The following DLG2 variants were observed in gnomAD, a reference collection of about 807,000 sequenced individuals.
The protein encoded by DLG2 is disks large homolog 2.
A neutral mutation model predicts 132.5 loss-of-function variants in DLG2; 45 were observed. The observed-to-expected ratio is 0.34, with a 90% CI of 0.27 to 0.44. DLG2 has a LOEUF of 0.44. Among genes scored for constraint, DLG2 ranks in the 20% least tolerant of loss-of-function variants. The pLI is 1.00. For synonymous variants in DLG2, 424 were observed against 419.6 expected (o/e 1.01, Z -0.13); for missense variants, 1,045 against 1,196.9 (o/e 0.87, Z 1.87).
chr11:84,294,699 A>C (rs2098064011), intron 7 of DLG2, among the ~76,000 whole-genome samples: 2 of 152,336 alleles, frequency 1.3e-5, no homozygotes, highest in African/African-American at 4.8e-5. Context: ...ATAATTTATT[A>C]AGGACTTAAT....
intron 6 of DLG2, among the ~76,000 whole-genome samples, chr11:84,608,564 G>C (rs1179019545): frequency 6.6e-6 from 1 of 152,090 alleles, no homozygotes; most frequent in East Asian, 1.9e-4. Flanking sequence ...GCTAAATTTG[G>C]AAAGTTGGCA....
chr11:84,893,239 A>T (rs545752338), intron 6 of DLG2, among the ~76,000 whole-genome samples: 16 of 152,176 alleles, frequency 1.1e-4, no homozygotes, highest in Non-Finnish European at 2.4e-4. Flanking sequence ...GGATGTGCCC[A>T]TCTGGTGCCT....
chr11:83,668,474 T>A (rs1192347397), intron 18 of DLG2, among the ~76,000 whole-genome samples: 1 of 152,126 alleles, frequency 6.6e-6, no homozygotes, highest in African/African-American at 2.4e-5. Context: ...GCAAAGACAT[T>A]CAGAGAAGTT....
intron 6 of DLG2, among the ~76,000 whole-genome samples, chr11:84,610,313 T>C (rs2099593126): frequency 6.6e-6 from 1 of 152,130 alleles, no homozygotes; most frequent in Non-Finnish European, 1.5e-5. Flanking sequence ...TATATTACTT[T>C]TGCAACCAGG....
chr11:85,409,692 G>T (rs1414597332), intron 3 of DLG2, among the ~76,000 whole-genome samples: 1 of 151,726 alleles, frequency 6.6e-6, no homozygotes, highest in East Asian at 1.9e-4. Flanking sequence ...ATATCTGGGG[G>T]GGTGGAGAAA....
intron 7 of DLG2, among the ~76,000 whole-genome samples, chr11:84,448,526 G>A (rs986664377): frequency 6.6e-6 from 1 of 151,790 alleles, no homozygotes; most frequent in African/African-American, 2.4e-5. Context: ...TTGTACCTTT[G>A]AACATGCTGT....
intron 19 of DLG2, among the ~76,000 whole-genome samples, chr11:83,545,112 G>A (rs940994379): frequency 2.6e-5 from 4 of 152,110 alleles, no homozygotes; most frequent in African/African-American, 4.8e-5. Flanking sequence ...CCATCAGAAA[G>A]GCTAACAAGT....
intron 6 of DLG2, among the ~76,000 whole-genome samples, chr11:84,936,478 G>A (rs565526260): frequency 1.3e-5 from 2 of 151,964 alleles, no homozygotes; most frequent in Admixed American, 1.3e-4. Context: ...TTTATCATTA[G>A]TTAAATAAAT....
At chr11:84,899,407 A>G (rs1590895433) in intron 6 of DLG2, among the ~76,000 whole-genome samples, 2 of 152,060 alleles carry the variant, frequency 1.3e-5, no homozygotes, top group East Asian at 3.9e-4. Flanking sequence ...TGACTAAATT[A>G]AAAGACAAAG....
intron 5 of DLG2, among the ~76,000 whole-genome samples, chr11:85,126,548 T>A (rs1305013341): frequency 1.3e-5 from 2 of 152,138 alleles, no homozygotes; most frequent in Non-Finnish European, 2.9e-5. Context: ...GGTCAGGTTA[T>A]GTTAAATTTT....
intron 6 of DLG2, among the ~76,000 whole-genome samples, chr11:84,894,030 G>A (rs2089840635): frequency 6.6e-6 from 1 of 152,058 alleles, no homozygotes; most frequent in Non-Finnish European, 1.5e-5. Context: ...AATGACTATG[G>A]AAAACAGTCT....
At chr11:83,473,543 T>C (rs1565367414) in intron 22 of DLG2, among the ~76,000 whole-genome samples, 1 of 152,152 alleles carries the variant, frequency 6.6e-6, no homozygotes, top group Non-Finnish European at 1.5e-5. Context: ...TTTTATATAA[T>C]TGATGAATTA....
intron 11 of DLG2, among the ~76,000 whole-genome samples, chr11:84,019,198 G>A (rs190862142): frequency 5.9e-5 from 9 of 152,006 alleles, no homozygotes; most frequent in Middle Eastern, 3.4e-3. Context: ...ACAATATGCC[G>A]TTCAGTATTC....
chr11:85,042,665 T>C (rs1037815296), intron 6 of DLG2, among the ~76,000 whole-genome samples: 3 of 151,910 alleles, frequency 2.0e-5, no homozygotes. Context: ...TCTTAATAAA[T>C]AAGTTGGGGA....
At chr11:84,053,109 T>G (rs1264537843) in intron 11 of DLG2, among the ~76,000 whole-genome samples, 1 of 152,088 alleles carries the variant, frequency 6.6e-6, no homozygotes, top group Non-Finnish European at 1.5e-5. Context: ...ATCATGTCCT[T>G]TGCAGAGACA....
intron 18 of DLG2, among the ~76,000 whole-genome samples, chr11:83,692,632 T>C (rs554256536): frequency 6.6e-5 from 10 of 152,326 alleles, no homozygotes; most frequent in Admixed American, 5.9e-4. Context: ...GTGAATAATA[T>C]GGTATATGAA....
At chr11:83,937,938 G>A (rs781582835) in intron 14 of DLG2, among the ~76,000 whole-genome samples, 24 of 152,152 alleles carry the variant, frequency 1.6e-4, no homozygotes, top group Non-Finnish European at 3.5e-4. Context: ...AAGTAATCCT[G>A]TCTTTTGGTT....
intron 6 of DLG2, among the ~76,000 whole-genome samples, chr11:84,824,778 G>C (rs569142932): frequency 6.6e-6 from 1 of 151,950 alleles, no homozygotes; most frequent in East Asian, 2.0e-4. Flanking sequence ...TGTGGCTCAG[G>C]CTTAAGTGTC....
chr11:85,424,224 C>G (rs962669386), intron 3 of DLG2, among the ~76,000 whole-genome samples: 1 of 152,212 alleles, frequency 6.6e-6, no homozygotes, highest in Admixed American at 6.5e-5. Context: ...GATGATCCCC[C>G]TTTCCCACTT....
Sources: allele counts gnomAD v4.1 joint callset (sites outside exome capture counted in the v4.1 genomes callset), GRCh38; gene constraint gnomAD v4.1.1; transcripts MANE v1.5; gene names NCBI Gene and HGNC (gene_info 2026-07-23, HGNC 2026-07-21).